NKAIN2: variants seen among roughly 807,000 people sequenced by gnomAD.
NKAIN2 encodes sodium/potassium-transporting ATPase subunit beta-1-interacting protein 2.
NKAIN2 carries 14 observed loss-of-function variants against 32.6 expected under a neutral mutation model. The observed-to-expected ratio is 0.43, with a 90% CI of 0.28 to 0.67. NKAIN2 has a LOEUF of 0.67. Ranked by LOEUF, NKAIN2 falls within the 30% of genes least tolerant of loss-of-function variation. The pLI, the probability that NKAIN2 is intolerant of heterozygous loss-of-function variation, is 0.17. For synonymous variants in NKAIN2, 80 were observed against 87.2 expected, an observed-to-expected ratio of 0.92 and a Z score of 0.46; for missense variants, 198 against 258.3, an observed-to-expected ratio of 0.77 and a Z score of 1.60.
chr6:124,642,167 A>C (rs1562300517), intron 3 of NKAIN2, among the ~76,000 whole-genome samples: 1 of 152,150 alleles, frequency 6.6e-6, no homozygotes, highest in Non-Finnish European at 1.5e-5. Context: ...GGTAGATATA[A>C]ATTTTTTGTG....
chr6:124,754,316 C>T (rs1777861141), intron 4 of NKAIN2, among the ~76,000 whole-genome samples: 1 of 152,038 alleles, frequency 6.6e-6, no homozygotes, highest in South Asian at 2.1e-4. Context: ...AATTCCTTGT[C>T]TTATTTGAGT....
chr6:123,923,995 A>G (rs2114499928), intron 1 of NKAIN2, among the ~76,000 whole-genome samples: 1 of 152,232 alleles, frequency 6.6e-6, no homozygotes, highest in Non-Finnish European at 1.5e-5. Context: ...TTGGCAAAGC[A>G]GGTAACATGT....
chr6:124,650,258 C>T (rs900719903), intron 3 of NKAIN2, among the ~76,000 whole-genome samples: 2 of 152,022 alleles, frequency 1.3e-5, no homozygotes, highest in Non-Finnish European at 2.9e-5. Context: ...AGGTATTGGC[C>T]CCCAAAATAC....
chr6:124,167,482 C>T (rs1202791422), intron 1 of NKAIN2, among the ~76,000 whole-genome samples: 2 of 152,142 alleles, frequency 1.3e-5, no homozygotes, highest in Admixed American at 1.3e-4. Context: ...AATTTGACTT[C>T]CTCTTTTCCT....
chr6:124,548,705 C>A (rs1780182916), intron 3 of NKAIN2, among the ~76,000 whole-genome samples: 1 of 152,082 alleles, frequency 6.6e-6, no homozygotes, highest in Non-Finnish European at 1.5e-5. Flanking sequence ...TTTGAAACTT[C>A]TGAATTTACA....
chr6:124,271,776 G>GAA (rs1316408071), intron 1 of NKAIN2, among the ~76,000 whole-genome samples: 2 of 152,196 alleles, frequency 1.3e-5, no homozygotes, highest in African/African-American at 4.8e-5. Context: ...TATGGACAAT[G>GAA]AAGTCCAGGC....
At chr6:124,651,920 C>T (rs1784382458) in intron 3 of NKAIN2, among the ~76,000 whole-genome samples, 1 of 152,122 alleles carries the variant, frequency 6.6e-6, no homozygotes, top group Non-Finnish European at 1.5e-5. Context: ...GATTTCTTTC[C>T]TAAAAAAGGT....
chr6:124,064,512 A>G (rs1783070528), intron 1 of NKAIN2, among the ~76,000 whole-genome samples: 1 of 151,090 alleles, frequency 6.6e-6, no homozygotes. Flanking sequence ...ATTTTAGGCC[A>G]TTTTTGAGGG....
chr6:124,287,816 C>T (rs571733811), intron 2 of NKAIN2, among the ~76,000 whole-genome samples: 4 of 152,076 alleles, frequency 2.6e-5, no homozygotes, highest in Admixed American at 6.5e-5. Context: ...GCTGCACTGG[C>T]GCTAAGGAGC....
intron 3 of NKAIN2, among the ~76,000 whole-genome samples, chr6:124,409,357 A>G (rs1252014211): frequency 6.6e-6 from 1 of 152,046 alleles, no homozygotes; most frequent in Non-Finnish European, 1.5e-5. Context: ...TATTATTTTG[A>G]GATACGTCCC....
chr6:124,582,548 T>C (rs1781561214), intron 3 of NKAIN2, among the ~76,000 whole-genome samples: 1 of 151,910 alleles, frequency 6.6e-6, no homozygotes, highest in Non-Finnish European at 1.5e-5. Flanking sequence ...AGAACTAATA[T>C]CAATGCTACT....
At chr6:124,280,903 C>T (rs2037591) in intron 1 of NKAIN2, among the ~76,000 whole-genome samples, 3,991 of 152,200 alleles carry the variant, frequency 0.026, 181 homozygotes, top group African/African-American at 0.089. Context: ...ATATTATATG[C>T]AAAGAATTAC....
chr6:124,562,458 A>G (rs1780731460), intron 3 of NKAIN2, among the ~76,000 whole-genome samples: 1 of 152,224 alleles, frequency 6.6e-6, no homozygotes, highest in Admixed American at 6.5e-5. Context: ...TGAAAGCTTT[A>G]TCTGGCTAGA....
intron 1 of NKAIN2, among the ~76,000 whole-genome samples, chr6:123,974,928 A>G (rs562071518): frequency 6.6e-6 from 1 of 152,326 alleles, no homozygotes; most frequent in South Asian, 2.1e-4. Context: ...CAACGCTTAC[A>G]ATAATGAAAT....
chr6:123,845,639 A>G (rs1237142969), intron 1 of NKAIN2, among the ~76,000 whole-genome samples: 1 of 152,214 alleles, frequency 6.6e-6, no homozygotes, highest in African/African-American at 2.4e-5. Flanking sequence ...TGTGAAATCC[A>G]TGTAATAAGG....
intron 1 of NKAIN2, among the ~76,000 whole-genome samples, chr6:124,109,635 C>G (rs151109130): frequency 6.6e-6 from 1 of 152,158 alleles, no homozygotes; most frequent in African/African-American, 2.4e-5. Flanking sequence ...GAGAGAACTT[C>G]TAGTAATATT....
At chr6:124,222,271 C>T (rs1791874067) in intron 1 of NKAIN2, among the ~76,000 whole-genome samples, 1 of 152,182 alleles carries the variant, frequency 6.6e-6, no homozygotes, top group South Asian at 2.1e-4. Context: ...ACAGAGATTA[C>T]ACTGAGGTTT....
chr6:124,299,442 G>A (rs914430956), intron 2 of NKAIN2, among the ~76,000 whole-genome samples: 10 of 151,950 alleles, frequency 6.6e-5, no homozygotes, highest in African/African-American at 2.4e-4. Flanking sequence ...TCTCCAAATC[G>A]GATCATTGCT....
At chr6:124,589,203 G>A (rs1781819837) in intron 3 of NKAIN2, among the ~76,000 whole-genome samples, 1 of 152,050 alleles carries the variant, frequency 6.6e-6, no homozygotes, top group African/African-American at 2.4e-5. Flanking sequence ...TTGGCAGAGT[G>A]TTTTCTTTTT....
Sources: gnomAD v4.1 joint callset for allele counts (sites outside exome capture counted in the v4.1 genomes callset) on GRCh38, gnomAD v4.1.1 for gene constraint, MANE v1.5 for transcripts, NCBI Gene and HGNC (gene_info 2026-07-23, HGNC 2026-07-21) for gene names.